KLHL25: variants seen among roughly 807,000 people sequenced by gnomAD.
KLHL25 encodes kelch-like protein 25.
Under a neutral mutation model 30.0 loss-of-function variants are expected in KLHL25, and 41 were observed. The ratio of observed to expected loss-of-function variants is 1.37; its 90% CI spans 1.07 to 1.78. The LOEUF is 1.78. Among genes scored for constraint, KLHL25 ranks in the 40% most tolerant of loss-of-function variants. KLHL25 has a pLI of 0.00. For missense variants in KLHL25, 971 were observed against 824.5 expected (o/e 1.18, Z -2.18); for synonymous variants, 399 against 355.3 (o/e 1.12, Z -1.38).
At chr15:85,774,843 CCTCCCCA>C (rs2089699168) in intron 1 of KLHL25, among the ~76,000 whole-genome samples, 1 of 151,872 alleles carries the variant, frequency 6.6e-6, no homozygotes, top group African/African-American at 2.4e-5. Flanking sequence ...AATGAAAACC[CCTCCCCA>C]CTCCCGCAGT....
intron 1 of KLHL25, among the ~76,000 whole-genome samples, chr15:85,774,913 G>A (rs1452208280): frequency 1.7e-4 from 23 of 137,822 alleles, no homozygotes; most frequent in Non-Finnish European, 3.2e-4. Flanking sequence ...GTCTTGCTCT[G>A]TCTCCCAGGC....
chr15:85,794,314 C>CG (rs1018386888), intron 1 of KLHL25, among the ~76,000 whole-genome samples: 1 of 152,244 alleles, frequency 6.6e-6, no homozygotes, highest in Non-Finnish European at 1.5e-5. Context: ...CCCGGGCCCT[C>CG]GCTCTGCGCC....
intron 1 of KLHL25, among the ~76,000 whole-genome samples, chr15:85,781,833 A>G (rs2089745156): frequency 6.6e-6 from 1 of 152,016 alleles, no homozygotes; most frequent in African/African-American, 2.4e-5. Context: ...TTTAAGAACT[A>G]AGAAAAAGAA....
intron 1 of KLHL25, among the ~76,000 whole-genome samples, chr15:85,780,755 G>A (rs1056158091): frequency 6.6e-6 from 1 of 152,140 alleles, no homozygotes; most frequent in Non-Finnish European, 1.5e-5. Flanking sequence ...TTCTTTACCC[G>A]CTGACAGAGA....
At chr15:85,785,344 C>T (rs1356185800) in intron 1 of KLHL25, among the ~76,000 whole-genome samples, 1 of 152,296 alleles carries the variant, frequency 6.6e-6, no homozygotes, top group African/African-American at 2.4e-5. Flanking sequence ...CTGCCTGCCT[C>T]AGCCTCCCAA....
chr15:85,785,964 A>ACCCCCC (rs36016415), intron 1 of KLHL25, among the ~76,000 whole-genome samples: 9 of 117,930 alleles, frequency 7.6e-5, no homozygotes, highest in East Asian at 2.6e-4. Context: ...CAGCCGACCC[A>ACCCCCC]CCCCCCCGCC....
At chr15:85,775,154 G>C (rs2089701734) in intron 1 of KLHL25, among the ~76,000 whole-genome samples, 1 of 152,222 alleles carries the variant, frequency 6.6e-6, no homozygotes, top group Non-Finnish European at 1.5e-5. Context: ...TGGGATTACA[G>C]GCATGAGCCA....
At chr15:85,780,078 T>A (rs950756194) in intron 1 of KLHL25, among the ~76,000 whole-genome samples, 8 of 152,314 alleles carry the variant, frequency 5.3e-5, no homozygotes, top group Non-Finnish European at 1.0e-4. Context: ...CCCTCTAAAC[T>A]GTCAAGGCAG....
chr15:85,794,235 C>A (rs1704149118), intron 1 of KLHL25, among the ~76,000 whole-genome samples: 1 of 152,190 alleles, frequency 6.6e-6, no homozygotes, highest in Admixed American at 6.5e-5. Flanking sequence ...AACGAGGGAC[C>A]CTGGCAGGCG....
In KLHL25 at chr15:85,793,863, C is replaced by A. The variant is rs192759964; in HGVS notation, c.-11+903G>T. Among the ~76,000 whole-genome samples the A allele has an allele frequency of 4.7e-4, 71 of 152,260 alleles. 1 individual carries two copies. The highest frequency in any genetic ancestry group is 1.7e-3 in the African/African-American group (70 of 41,524). ...CCCAAGAGCGTCCAGATTAAATCTG[C>A]AGGGGCCTGGGTCCGCCCCCTCACC... On this transcript the variant is annotated intron_variant, in intron 1 of 2. Transcript: ENST00000337975.
At chr15:85,783,261 T>A (rs1040027049) in intron 1 of KLHL25, among the ~76,000 whole-genome samples, 1 of 144,520 alleles carries the variant, frequency 6.9e-6, no homozygotes, top group Non-Finnish European at 1.6e-5. Context: ...CTAATTTTTG[T>A]ATTTTTTTTT....
At chr15:85,790,540 A>G (rs901614851) in intron 1 of KLHL25, among the ~76,000 whole-genome samples, 11 of 152,228 alleles carry the variant, frequency 7.2e-5, no homozygotes, top group African/African-American at 1.2e-4. Context: ...AACATTTAAT[A>G]GAAGTATTAT....
chr15:85,769,494 T>A lies in KLHL25; in HGVS notation c.317A>T (p.Tyr106Phe), dbSNP rs143641376. The change falls in exon 2 of 3, where the codon TAC (tyrosine) becomes TTC (phenylalanine). Residue 106 changes from tyrosine to phenylalanine, a missense_variant. Coordinates refer to ENST00000337975, the MANE Select transcript of KLHL25 (RefSeq NM_022480.4). ...CTCGTTGATGGCGATGCGTGAGGAG[T>A]AGGCAAAGTCCAGCAGCAGCTCCAG... ...EVLELLLDFAYSSRIAINEEN... is the reference protein window; with the variant it reads ...EVLELLLDFAFSSRIAINEEN... The A allele has an allele frequency of 1.2e-6, 2 of 1,613,558 alleles. No homozygotes were observed. Among genetic ancestry groups the A allele is most frequent in the Non-Finnish European group, 1.7e-6 (2 of 1,179,984 alleles).
At chr15:85,775,800 G>A (rs1210773591) in intron 1 of KLHL25, among the ~76,000 whole-genome samples, 1 of 151,504 alleles carries the variant, frequency 6.6e-6, no homozygotes, top group Non-Finnish European at 1.5e-5. Flanking sequence ...GGTTGCAGAG[G>A]CTGTGGGGGC....
At chr15:85,783,253 A>C (rs2089756604) in intron 1 of KLHL25, among the ~76,000 whole-genome samples, 1 of 148,834 alleles carries the variant, frequency 6.7e-6, no homozygotes, top group South Asian at 2.1e-4. Context: ...ACGGCTGGCT[A>C]ATTTTTGTAT....
chr15:85,776,797 T>C (rs1597277540), intron 1 of KLHL25, among the ~76,000 whole-genome samples: 1 of 150,046 alleles, frequency 6.7e-6, no homozygotes, highest in Admixed American at 6.6e-5. Flanking sequence ...TGGTGGCGGG[T>C]GCCTATAGTC....
chr15:85,788,840 G>A (rs2089798177), intron 1 of KLHL25, among the ~76,000 whole-genome samples: 1 of 152,210 alleles, frequency 6.6e-6, no homozygotes. Flanking sequence ...CACAGGTTAA[G>A]GGACTTGCTG....
chr15:85,768,423 T>C lies in KLHL25; in HGVS notation c.1388A>G (p.Gln463Arg), dbSNP rs201875447. 5 of 1,613,372 alleles carry C rather than the reference T, an allele frequency of 3.1e-6. No homozygotes were observed. The East Asian group carries it at 1.1e-4, about 36-fold the overall frequency. The change falls in exon 2 of 3, where the codon CAG becomes CGG. Residue 463 changes from glutamine (Q) to arginine (R), a missense_variant. Gln to Arg is a conservative substitution (Grantham distance 43). Coordinates refer to ENST00000337975, the MANE Select transcript of KLHL25 (RefSeq NM_022480.4). ...CCTGTTCTCCGAGGGGTCATAGCAC[T>C]GGACCTTGGACACCATGTCCCGGTG... is the stretch of plus-strand genomic sequence containing the variant. ...SIHRDMVSKV[Q>R]CYDPSENRWT...
intron 2 of KLHL25, chr15:85,763,861 T>A (rs2089599752): frequency 6.6e-6 from 1 of 152,158 alleles, no homozygotes; most frequent in Non-Finnish European, 1.5e-5. Flanking sequence ...ACAGAAGCCA[T>A]CTCGGGCCCA....
Sources: allele counts gnomAD v4.1 joint callset (sites outside exome capture counted in the v4.1 genomes callset), GRCh38; gene constraint gnomAD v4.1.1; transcripts MANE v1.5; gene names NCBI Gene and HGNC (gene_info 2026-07-23, HGNC 2026-07-21).